SEC23A: variants seen among roughly 807,000 people sequenced by gnomAD.
The protein encoded by SEC23A is SEC23 homolog A, COPII component.
A neutral mutation model predicts 103.7 loss-of-function variants in SEC23A; 56 were observed. The ratio of observed to expected loss-of-function variants is 0.54; its 90% CI spans 0.44 to 0.67. The LOEUF (loss-of-function observed/expected upper bound fraction) is 0.67. SEC23A is among the 30% of genes least tolerant of loss of function. The pLI is 0.00. For synonymous variants in SEC23A, 281 were observed against 293.0 expected, an observed-to-expected ratio of 0.96 and a Z score of 0.42; for missense variants, 784 against 936.4, an observed-to-expected ratio of 0.84 and a Z score of 2.12.
At chr14:39,094,954 T>C in intron 2 of SEC23A, 1 of 696,386 alleles carries the variant, frequency 1.4e-6, no homozygotes, top group Non-Finnish European at 2.6e-6. Context: ...AAGCTACTAC[T>C]GGAAGATGTT....
At chr14:39,070,942 A>G (rs1230815057) in intron 9 of SEC23A, among the ~76,000 whole-genome samples, 2 of 152,038 alleles carry the variant, frequency 1.3e-5, no homozygotes, top group Admixed American at 6.6e-5. Flanking sequence ...CAGCAGAATC[A>G]CTTGAACCCA....
At chr14:39,073,785 T>C (rs1402840061) in intron 9 of SEC23A, among the ~76,000 whole-genome samples, 2 of 151,506 alleles carry the variant, frequency 1.3e-5, no homozygotes, top group South Asian at 4.2e-4. Flanking sequence ...AATTTTTGTA[T>C]TTTTAGTAGA....
chr14:39,078,887 T>C (rs984639658), intron 7 of SEC23A, among the ~76,000 whole-genome samples: 1 of 151,390 alleles, frequency 6.6e-6, no homozygotes, highest in African/African-American at 2.4e-5. Context: ...GAAAGAGAAA[T>C]AAATTAAGCT....
chr14:39,059,301 A>C (rs918185362), intron 13 of SEC23A, among the ~76,000 whole-genome samples: 19 of 103,288 alleles, frequency 1.8e-4, no homozygotes, highest in African/African-American at 3.9e-4. Context: ...AAAAAAAAAA[A>C]AAAAAAAAAC....
At chr14:39,087,825 A>G (rs1887495831) in intron 5 of SEC23A, 1 of 152,210 alleles carries the variant, frequency 6.6e-6, no homozygotes, top group Admixed American at 6.5e-5. Flanking sequence ...TATGTTCCAT[A>G]TTCTATGCTA....
intron 7 of SEC23A, among the ~76,000 whole-genome samples, chr14:39,083,287 C>T (rs759964084): frequency 6.6e-6 from 1 of 152,128 alleles, no homozygotes; most frequent in Non-Finnish European, 1.5e-5. Context: ...AAACGCATAT[C>T]TGATTGCTCC....
chr14:39,071,440 C>G (rs745631400), intron 9 of SEC23A, among the ~76,000 whole-genome samples: 1 of 152,056 alleles, frequency 6.6e-6, no homozygotes, highest in African/African-American at 2.4e-5. Context: ...ATCCAGATAC[C>G]TGGAAGGCTG....
chr14:39,042,755 T>C, intron 17 of SEC23A, 31 bp downstream of exon 17: 2 of 1,372,646 alleles, frequency 1.5e-6, no homozygotes, highest in East Asian at 2.3e-5. Context: ...AGACTTTACA[T>C]GCATAGCTTT....
intron 14 of SEC23A, among the ~76,000 whole-genome samples, chr14:39,052,312 T>C (rs1021537945): frequency 1.2e-4 from 18 of 151,350 alleles, no homozygotes; most frequent in African/African-American, 3.2e-4. Context: ...AACTTAAAAG[T>C]TGAAAAAAAA....
chr14:39,068,169 G>A (rs934258756), intron 9 of SEC23A, among the ~76,000 whole-genome samples: 1 of 151,912 alleles, frequency 6.6e-6, no homozygotes, highest in Non-Finnish European at 1.5e-5. Flanking sequence ...TAACTTGAAA[G>A]TTAAAAACTA....
intron 15 of SEC23A, among the ~76,000 whole-genome samples, chr14:39,046,366 G>A (rs1352577703): frequency 6.6e-5 from 10 of 152,058 alleles, no homozygotes; most frequent in Non-Finnish European, 1.3e-4. Context: ...TCAGCTACTC[G>A]GGAGGCAGAG....
intron 7 of SEC23A, among the ~76,000 whole-genome samples, chr14:39,083,057 A>G (rs1161841316): frequency 6.6e-6 from 1 of 152,206 alleles, no homozygotes. Context: ...TTTAATTTTA[A>G]TAGTTTTATA....
intron 9 of SEC23A, among the ~76,000 whole-genome samples, chr14:39,072,925 T>C (rs1367748843): frequency 6.6e-6 from 1 of 152,116 alleles, no homozygotes; most frequent in East Asian, 1.9e-4. Flanking sequence ...CTTGGGAAAA[T>C]CGTTAGACAG....
At chr14:39,100,860 T>G (rs1193032145) in intron 1 of SEC23A, among the ~76,000 whole-genome samples, 1 of 152,164 alleles carries the variant, frequency 6.6e-6, no homozygotes, top group Non-Finnish European at 1.5e-5. Flanking sequence ...TCTTTTTTTT[T>G]TGAGATGGAG....
chr14:39,059,703 T>A (rs976790225), intron 13 of SEC23A, among the ~76,000 whole-genome samples: 1 of 152,210 alleles, frequency 6.6e-6, no homozygotes, highest in Admixed American at 6.5e-5. Context: ...GGAGATATTA[T>A]GACCTTCTGC....
rs1028400388 is a variant in SEC23A, at chr14:39,103,179, C to A, written c.-169G>T. On this transcript the variant is annotated 5_prime_UTR_variant, in exon 1 of 20. Transcript: ENST00000307712. Reference sequence around the variant, plus strand: ...GCAATCAGGGGTGGCGCCACCCCGCCCCGGGCCTCAGCGAAGACCTCCGCC... The same window carrying A: ...GCAATCAGGGGTGGCGCCACCCCGCACCGGGCCTCAGCGAAGACCTCCGCC... The A allele has an allele frequency of 6.6e-6, 1 of 152,242 alleles. No homozygotes were observed. The highest frequency in any genetic ancestry group is 2.4e-5 in the African/African-American group (1 of 41,424). 9.4% of individuals were successfully genotyped at this position (152,242 alleles called of 1,614,324 possible).
At chr14:39,046,322 G>T (rs1885837773) in intron 15 of SEC23A, among the ~76,000 whole-genome samples, 1 of 151,938 alleles carries the variant, frequency 6.6e-6, no homozygotes, top group East Asian at 1.9e-4. Flanking sequence ...TACAAAAAAT[G>T]ATTAGCCGGG....
intron 19 of SEC23A, among the ~76,000 whole-genome samples, 155 bp downstream of exon 19, chr14:39,038,876 G>A (rs929648780): frequency 2.0e-5 from 3 of 152,066 alleles, no homozygotes; most frequent in African/African-American, 7.2e-5. Flanking sequence ...CTATGGTGTC[G>A]CCAAATATTA....
chr14:39,043,693 CA>C (rs1885729618), intron 16 of SEC23A, among the ~76,000 whole-genome samples: 1 of 152,014 alleles, frequency 6.6e-6, no homozygotes, highest in Admixed American at 6.6e-5. Flanking sequence ...GAAAAGCTAG[CA>C]AAAGACTGAG....
Sources: gnomAD v4.1 joint callset for allele counts (sites outside exome capture counted in the v4.1 genomes callset) on GRCh38, gnomAD v4.1.1 for gene constraint, MANE v1.5 for transcripts, NCBI Gene and HGNC (gene_info 2026-07-23, HGNC 2026-07-21) for gene names.